Variants in GNAZ observed in about 807,000 individuals in gnomAD.
GNAZ encodes G protein subunit alpha z.
GNAZ carries 3 observed loss-of-function variants against 25.4 expected under a neutral mutation model. That is an observed-to-expected ratio of 0.12 (90% confidence interval 0.05 to 0.30). The LOEUF is 0.30. GNAZ is among the 10% of genes least tolerant of loss of function. GNAZ has a pLI of 1.00. For synonymous variants in GNAZ, 211 were observed against 205.7 expected, an observed-to-expected ratio of 1.03 and a Z score of -0.22; for missense variants, 241 against 501.8, an observed-to-expected ratio of 0.48 and a Z score of 4.97.
At chr22:23,074,236 A>T (rs2068451230) in intron 1 of GNAZ, among the ~76,000 whole-genome samples, 1 of 152,136 alleles carries the variant, frequency 6.6e-6, no homozygotes, top group African/African-American at 2.4e-5. Flanking sequence ...GTGGGAAAAT[A>T]GGCTAGGGTG....
In GNAZ at chr22:23,123,144, A is replaced by G. The variant is rs1257765665; in HGVS notation, c.781A>G (p.Ile261Val). 2 of 1,613,994 alleles carry G rather than the reference A, an allele frequency of 1.2e-6. No homozygotes were observed. The highest frequency in any genetic ancestry group is 1.7e-5 in the Admixed American group (1 of 60,014). The change falls in exon 3 of 3, where the codon ATC becomes GTC. Residue 261 changes from isoleucine to valine, a missense_variant. By Grantham distance (29) the Ile-to-Val change is conservative. Coordinates refer to ENST00000615612, the MANE Select transcript of GNAZ (RefSeq NM_002073.4). Reference sequence around the variant, plus strand: ...CTCCATCTGCAACAACAACTGGTTCATCAACACCTCACTCATCCTCTTCCT... The same window carrying G: ...CTCCATCTGCAACAACAACTGGTTCGTCAACACCTCACTCATCCTCTTCCT... Reference protein sequence around the residue: ...FDSICNNNWFINTSLILFLNK... With the variant: ...FDSICNNNWFVNTSLILFLNK...
intron 2 of GNAZ, among the ~76,000 whole-genome samples, chr22:23,117,802 C>T (rs1480815199): frequency 2.6e-5 from 4 of 152,240 alleles, no homozygotes; most frequent in African/African-American, 9.6e-5. Context: ...ACCCCAGACC[C>T]TGTGTTCATG....
At chr22:23,085,956 C>T (rs1274325839) in intron 1 of GNAZ, among the ~76,000 whole-genome samples, 1 of 152,250 alleles carries the variant, frequency 6.6e-6, no homozygotes, top group East Asian at 1.9e-4. Context: ...CTCCAGCAGG[C>T]GCTAATCCCC....
intron 2 of GNAZ, among the ~76,000 whole-genome samples, chr22:23,115,236 A>G (rs2146376535): frequency 6.6e-6 from 1 of 152,264 alleles, no homozygotes. Flanking sequence ...TCCCCAATAC[A>G]ACACAGTCCG....
At chr22:23,123,007 T>C in intron 2 of GNAZ, 80 bp from the exon 3 acceptor site, 3 of 927,322 alleles carry the variant, frequency 3.2e-6, no homozygotes, top group Non-Finnish European at 3.4e-6. Flanking sequence ...AGCAAAGGCT[T>C]CCTCTGGCAG....
Position 23,095,518 on chromosome 22 carries a change from C to A in GNAZ, c.-178C>A. 1 of 665,186 alleles carries A rather than the reference C, an allele frequency of 1.5e-6. No homozygotes were observed. The highest frequency in any genetic ancestry group is 2.5e-6 in the Non-Finnish European group (1 of 395,938). 41.2% of individuals were successfully genotyped at this position (665,186 alleles called of 1,614,324 possible). ...CCGCCCGCTGCACAGAGCGCCATGC[C>A]GGCTGGAGAAGAGGCGCTGGGGCAG... On this transcript the variant is annotated 5_prime_UTR_variant, in exon 2 of 3. Coordinates refer to ENST00000615612, the MANE Select transcript of GNAZ (RefSeq NM_002073.4).
At chr22:23,092,571 A>G (rs2069012022) in intron 1 of GNAZ, among the ~76,000 whole-genome samples, 2 of 152,108 alleles carry the variant, frequency 1.3e-5, no homozygotes, top group Non-Finnish European at 2.9e-5. Context: ...TGTGATTGCT[A>G]CCTGGCCTCA....
intron 2 of GNAZ, among the ~76,000 whole-genome samples, chr22:23,096,851 C>T (rs977030638): frequency 6.6e-6 from 1 of 152,212 alleles, no homozygotes; most frequent in African/African-American, 2.4e-5. Flanking sequence ...ATCCCAGGTC[C>T]TGGTGGAAAG....
intron 2 of GNAZ, among the ~76,000 whole-genome samples, chr22:23,111,702 A>C (rs2069664725): frequency 6.6e-6 from 1 of 152,258 alleles, no homozygotes; most frequent in Non-Finnish European, 1.5e-5. Flanking sequence ...ATTAGGTTTC[A>C]GAACACAAGA....
At position 23,095,275 on chromosome 22, in the gene GNAZ, G is replaced by A. The variant is rs576796595; in HGVS notation, c.-421G>A. 2.1e-3 allele frequency: 404 copies of A among 193,668 alleles called. 1 individual carries two copies. Among genetic ancestry groups the A allele is most frequent in the African/African-American group, 9.1e-3 (387 of 42,412 alleles). The allele number at this position is 193,668 out of a possible 1,614,324, so 12.0% of individuals were successfully genotyped here. On this transcript the variant is annotated 5_prime_UTR_variant, in exon 2 of 3. Coordinates refer to ENST00000615612, the MANE Select transcript of GNAZ (RefSeq NM_002073.4). Reference sequence around the variant, plus strand: ...AAGGGCTGGATGCACAGTGGGAGCCGGAGGCGGGGGGCTGCAGGGAGCACA... The same window carrying A: ...AAGGGCTGGATGCACAGTGGGAGCCAGAGGCGGGGGGCTGCAGGGAGCACA...
chr22:23,124,337 CT>C lies in GNAZ; in HGVS notation c.*912del. The C allele has an allele frequency of 7.6e-6, 3 of 397,082 alleles. No individual in the cohort carries two copies. The highest frequency in any genetic ancestry group is 3.3e-5 in the Admixed American group (1 of 29,856). The allele number at this position is 397,082 out of a possible 1,614,324, so 24.6% of individuals were successfully genotyped here. A position where few individuals can be genotyped will look rare whatever the true frequency, so the allele number is the denominator to read the frequency against. On this transcript the variant is annotated 3_prime_UTR_variant, in exon 3 of 3. Coordinates refer to ENST00000615612, the MANE Select transcript of GNAZ (RefSeq NM_002073.4). ...CAAAACATATTTTTTTTCAGGTGGT[CT>C]TTTTTGTGTCTGGCTTGCTGAGTGT... is the stretch of plus-strand genomic sequence containing the variant.
At chr22:23,114,747 A>G (rs1207992379) in intron 2 of GNAZ, among the ~76,000 whole-genome samples, 1 of 152,218 alleles carries the variant, frequency 6.6e-6, no homozygotes, top group Non-Finnish European at 1.5e-5. Context: ...AACAGCTGGC[A>G]GAGCAGGAGG....
In GNAZ at chr22:23,096,061, CG is replaced by C; in HGVS notation, c.367del (p.Glu123SerfsTer35). The C allele has an allele frequency of 6.2e-7, 1 of 1,607,770 alleles. No individual in the cohort carries two copies. Among genetic ancestry groups the C allele is most frequent in the Non-Finnish European group, 8.5e-7 (1 of 1,179,948 alleles). On this transcript the variant is annotated frameshift_variant, in exon 2 of 3. Transcript: ENST00000615612. LOFTEE classifies it high-confidence loss of function. ...PAESKGEITP[E>X]LLGVMRRLWA... ...CTGAGAGCAAGGGCGAGATCACACC[CG>C]AGCTGCTGGGTGTCATGCGACGGCT...
At chr22:23,112,022 G>A (rs1270917911) in intron 2 of GNAZ, among the ~76,000 whole-genome samples, 1 of 152,194 alleles carries the variant, frequency 6.6e-6, no homozygotes, top group Non-Finnish European at 1.5e-5. Flanking sequence ...CTCATCCACA[G>A]CAAGACTGGA....
chr22:23,111,842 A>G (rs1178448672), intron 2 of GNAZ, among the ~76,000 whole-genome samples: 1 of 152,156 alleles, frequency 6.6e-6, no homozygotes, highest in African/African-American at 2.4e-5. Context: ...CAGTCCTCAG[A>G]TCCCGGTGGC....
chr22:23,095,568 C>G lies in GNAZ; in HGVS notation c.-128C>G. 9.7e-7 allele frequency: 1 copy of G among 1,033,862 alleles called. No individual in the cohort carries two copies. The highest frequency in any genetic ancestry group is 1.6e-5 in the African/African-American group (1 of 62,052). 64.0% of individuals were successfully genotyped at this position (1,033,862 alleles called of 1,614,324 possible). A position where few individuals can be genotyped will look rare whatever the true frequency, so the allele number is the denominator to read the frequency against. On this transcript the variant is annotated 5_prime_UTR_variant, in exon 2 of 3. Coordinates refer to ENST00000615612, the MANE Select transcript of GNAZ (RefSeq NM_002073.4). ...GGGGCTGCAGTGTGGCTCGGCCTCACCCCCCTGCTGGCACTGAGTGCCTCC... is the reference window on the plus strand; with the variant it reads ...GGGGCTGCAGTGTGGCTCGGCCTCAGCCCCCTGCTGGCACTGAGTGCCTCC...
At chr22:23,108,088 A>C in intron 2 of GNAZ, among the ~76,000 whole-genome samples, 1 of 152,166 alleles carries the variant, frequency 6.6e-6, no homozygotes, top group East Asian at 1.9e-4. Context: ...TCTGTGGGCC[A>C]GGAGCAGGTG....
At position 23,075,781 on chromosome 22, in the gene GNAZ, CA is replaced by C. The variant is rs1442305970; in HGVS notation, c.-450+5214del. 2.0e-5 allele frequency among the ~76,000 whole-genome samples: 3 copies of C among 152,320 alleles called. No homozygotes were observed. The East Asian group carries it at 5.8e-4, about 29-fold the overall frequency. ...TGGGGGACCGTGGTTGTGGTTAGAGCAAACCTTTCAGGAGACCCTTGGCCCC... is the reference window on the plus strand; with the variant it reads ...TGGGGGACCGTGGTTGTGGTTAGAGCAACCTTTCAGGAGACCCTTGGCCCC... On this transcript the variant is annotated intron_variant, in intron 1 of 2. Coordinates refer to ENST00000615612, the MANE Select transcript of GNAZ (RefSeq NM_002073.4).
chr22:23,079,857 G>A (rs1190962787), intron 1 of GNAZ, among the ~76,000 whole-genome samples: 1 of 152,158 alleles, frequency 6.6e-6, no homozygotes, highest in Non-Finnish European at 1.5e-5. Context: ...AAGGCGTGCT[G>A]GGCATGTAGT....
Sources: gnomAD v4.1 joint callset for allele counts (sites outside exome capture counted in the v4.1 genomes callset) on GRCh38, gnomAD v4.1.1 for gene constraint, MANE v1.5 for transcripts, NCBI Gene and HGNC (gene_info 2026-07-23, HGNC 2026-07-21) for gene names.